The following CNTNAP2 variants were observed in gnomAD, a reference collection of about 807,000 sequenced individuals.
CNTNAP2 encodes contactin-associated protein-like 2.
Under a neutral mutation model 155.2 loss-of-function variants are expected in CNTNAP2, and 98 were observed. The ratio of observed to expected loss-of-function variants is 0.63; its 90% CI spans 0.54 to 0.75. The LOEUF (loss-of-function observed/expected upper bound fraction) is 0.75, where lower values mean the gene tolerates loss of function less well. Among genes scored for constraint, CNTNAP2 ranks in the 30% least tolerant of loss-of-function variants. The pLI, the probability that CNTNAP2 is intolerant of heterozygous loss-of-function variation, is 0.00. For synonymous variants in CNTNAP2, 651 were observed against 631.2 expected, an observed-to-expected ratio of 1.03 and a Z score of -0.47; for missense variants, 1,727 against 1,688.1, an observed-to-expected ratio of 1.02 and a Z score of -0.40.
At chr7:148,277,509 C>T (rs1425776883) in intron 21 of CNTNAP2, among the ~76,000 whole-genome samples, 1 of 150,532 alleles carries the variant, frequency 6.6e-6, no homozygotes, top group African/African-American at 2.5e-5. Flanking sequence ...AGATGATGCA[C>T]GTGAGGACCA....
intron 21 of CNTNAP2, among the ~76,000 whole-genome samples, chr7:148,328,169 C>G (rs1797923678): frequency 2.0e-5 from 3 of 152,132 alleles, no homozygotes; most frequent in Admixed American, 2.0e-4. Context: ...GCCATCGTCA[C>G]TTGTGCCTGG....
intron 10 of CNTNAP2, among the ~76,000 whole-genome samples, chr7:147,481,923 G>A (rs960076604): frequency 5.9e-5 from 9 of 152,130 alleles, no homozygotes; most frequent in Non-Finnish European, 1.3e-4. Flanking sequence ...ATTAGCGCAA[G>A]AGTCTGGATT....
intron 14 of CNTNAP2, among the ~76,000 whole-genome samples, chr7:147,913,627 G>A (rs1800107503): frequency 6.6e-6 from 1 of 152,218 alleles, no homozygotes; most frequent in East Asian, 1.9e-4. Context: ...CTGGAAAACA[G>A]AAACCTTAAT....
chr7:146,794,713 C>G (rs762318460), intron 2 of CNTNAP2, among the ~76,000 whole-genome samples: 2 of 152,018 alleles, frequency 1.3e-5, no homozygotes, highest in Non-Finnish European at 2.9e-5. Context: ...AACTATGATA[C>G]GAATGCTCCA....
intron 13 of CNTNAP2, among the ~76,000 whole-genome samples, chr7:147,855,992 C>T (rs1563112913): frequency 6.6e-6 from 1 of 152,164 alleles, no homozygotes; most frequent in African/African-American, 2.4e-5. Context: ...CCTGGGAGAA[C>T]CTCTCCTGAC....
Position 146,498,788 on chromosome 7 carries a change from G to A in CNTNAP2, c.98-275483G>A, listed in dbSNP as rs376337545. ...GAACTAATTTTTACTCCAGTAGATG[G>A]TTCATATATCAATTTAAAGAGGGAA... is the stretch of plus-strand genomic sequence containing the variant. On this transcript the variant is annotated intron_variant, in intron 1 of 23. Coordinates refer to ENST00000361727, the MANE Select transcript of CNTNAP2 (RefSeq NM_014141.6). 3.9e-5 allele frequency among the ~76,000 whole-genome samples: 6 copies of A among 152,056 alleles called. No homozygotes were observed. The South Asian group carries it at 1.2e-3, about 32-fold the overall frequency.
chr7:148,413,605 C>T (rs974012291), intron 23 of CNTNAP2, among the ~76,000 whole-genome samples: 2 of 150,408 alleles, frequency 1.3e-5, no homozygotes, highest in Admixed American at 6.6e-5. Flanking sequence ...TAGTATTGTT[C>T]GAGTCTTTTA....
chr7:147,474,079 C>CT (rs1798273381), intron 10 of CNTNAP2, among the ~76,000 whole-genome samples: 2 of 149,468 alleles, frequency 1.3e-5, no homozygotes, highest in African/African-American at 4.9e-5. Flanking sequence ...AACTCCGTCT[C>CT]TAAAAAAAAA....
At chr7:147,018,695 A>C (rs1006602982) in intron 3 of CNTNAP2, among the ~76,000 whole-genome samples, 1 of 151,998 alleles carries the variant, frequency 6.6e-6, no homozygotes, top group Non-Finnish European at 1.5e-5. Flanking sequence ...AATTTGAAAA[A>C]CTGGCTGCAT....
chr7:147,889,552 TTACTG>T (rs1799653146), intron 13 of CNTNAP2, among the ~76,000 whole-genome samples: 2 of 152,250 alleles, frequency 1.3e-5, no homozygotes, highest in South Asian at 4.1e-4. Context: ...AATTTCCAAA[TTACTG>T]AAAATACCTA....
chr7:146,736,283 T>G (rs561876157), intron 1 of CNTNAP2, among the ~76,000 whole-genome samples: 1 of 152,126 alleles, frequency 6.6e-6, no homozygotes, highest in South Asian at 2.1e-4. Context: ...AGGATAATTG[T>G]ATAAGAATCT....
chr7:147,497,854 A>G (rs28469699), intron 11 of CNTNAP2, among the ~76,000 whole-genome samples: 43,543 of 152,038 alleles, frequency 0.29, 6,372 homozygotes, highest in East Asian at 0.43. Context: ...GACAGCACAA[A>G]CTTTGTTAAT....
At chr7:146,671,270 A>G (rs1232980024) in intron 1 of CNTNAP2, among the ~76,000 whole-genome samples, 1 of 152,192 alleles carries the variant, frequency 6.6e-6, no homozygotes, top group African/African-American at 2.4e-5. Context: ...CACCTGTGTG[A>G]AGGTCTATAT....
chr7:148,401,297 C>T (rs532908747), intron 22 of CNTNAP2, among the ~76,000 whole-genome samples: 2 of 152,330 alleles, frequency 1.3e-5, no homozygotes, highest in East Asian at 3.9e-4. Context: ...ATGTGGCTTT[C>T]ACCTAATTAT....
chr7:147,132,395 T>A lies in CNTNAP2; in HGVS notation c.1234T>A (p.Phe412Ile). 6.2e-7 allele frequency: 1 copy of A among 1,613,668 alleles called. No homozygotes were observed. Among genetic ancestry groups the A allele is most frequent in the African/African-American group, 1.3e-5 (1 of 74,988 alleles). ...RTWNPNGLLV[F>I]SHFADNLGNV... ...ATGGAACCCCAATGGTCTCCTGGTC[T>A]TCAGTCACTTTGCGGATAATTTGGG... The change falls in exon 8 of 24, where the codon TTC becomes ATC. Residue 412 changes from phenylalanine to isoleucine, a missense_variant. Physicochemically the swap from Phe to Ile is conservative, Grantham distance 21. Transcript: ENST00000361727.
intron 10 of CNTNAP2, among the ~76,000 whole-genome samples, chr7:147,409,419 T>C (rs551478799): frequency 2.0e-5 from 3 of 152,224 alleles, no homozygotes; most frequent in African/African-American, 7.2e-5. Context: ...ATTAAAGAAT[T>C]AAATGTAAAA....
At chr7:147,963,112 C>T (rs915971372) in intron 14 of CNTNAP2, among the ~76,000 whole-genome samples, 4 of 152,064 alleles carry the variant, frequency 2.6e-5, no homozygotes, top group Non-Finnish European at 4.4e-5. Context: ...ATGACATAAT[C>T]TTTACTCAAG....
chr7:147,395,771 T>C lies in CNTNAP2; in HGVS notation c.1661T>C (p.Ile554Thr). The C allele has an allele frequency of 1.9e-6, 3 of 1,612,038 alleles. No individual in the cohort carries two copies. Among genetic ancestry groups the C allele is most frequent in the African/African-American group, 1.3e-5 (1 of 74,922 alleles). ...FANVSIDMCA[I>T]IDRCVPNHCE... ...AATGTCAGCATTGACATGTGTGCGA[T>C]CATAGACAGGTAAATGATCTTTTCA... Residue 554 changes from isoleucine to threonine, a missense_variant, in exon 10 of 24, where the codon ATC (isoleucine) becomes ACC (threonine). Coordinates refer to ENST00000361727, the MANE Select transcript of CNTNAP2 (RefSeq NM_014141.6).
At chr7:146,238,085 A>G (rs915284136) in intron 1 of CNTNAP2, among the ~76,000 whole-genome samples, 3 of 152,202 alleles carry the variant, frequency 2.0e-5, no homozygotes, top group African/African-American at 7.2e-5. Flanking sequence ...CTACACTATC[A>G]TTCCCCCAGA....
Sources: gnomAD v4.1 joint callset for allele counts (sites outside exome capture counted in the v4.1 genomes callset) on GRCh38, gnomAD v4.1.1 for gene constraint, MANE v1.5 for transcripts, NCBI Gene and HGNC (gene_info 2026-07-23, HGNC 2026-07-21) for gene names.